Variants in GRB10 observed in about 807,000 individuals in gnomAD.
The protein encoded by GRB10 is growth factor receptor-bound protein 10.
A neutral mutation model predicts 80.9 loss-of-function variants in GRB10; 20 were observed. The ratio of observed to expected loss-of-function variants is 0.25; its 90% CI spans 0.17 to 0.36. GRB10 has a LOEUF of 0.36. Ranked by LOEUF, GRB10 falls within the 10% of genes least tolerant of loss-of-function variation. The pLI is 1.00. For missense variants in GRB10, 548 were observed against 747.7 expected, an observed-to-expected ratio of 0.73 and a Z score of 3.12; for synonymous variants, 291 against 291.5, an observed-to-expected ratio of 1.00 and a Z score of 0.02.
intron 5 of GRB10, among the ~76,000 whole-genome samples, chr7:50,700,853 G>A (rs954363083): frequency 2.0e-5 from 3 of 152,206 alleles, no homozygotes; most frequent in Non-Finnish European, 4.4e-5. Flanking sequence ...TTAAAATTCA[G>A]TGCAACTTTC....
chr7:50,753,109 C>A (rs566665547), intron 3 of GRB10, among the ~76,000 whole-genome samples: 3 of 152,218 alleles, frequency 2.0e-5, no homozygotes, highest in African/African-American at 4.8e-5. Flanking sequence ...AGTCTAGTGC[C>A]ATGGCCCGTC....
intron 5 of GRB10, among the ~76,000 whole-genome samples, chr7:50,688,711 A>C (rs2062404900): frequency 6.6e-6 from 1 of 151,818 alleles, no homozygotes; most frequent in Admixed American, 6.6e-5. Context: ...TTTAAAAAAA[A>C]AAAATCTGAC....
chr7:50,667,518 C>G (rs1275541945), intron 7 of GRB10, among the ~76,000 whole-genome samples: 2 of 152,122 alleles, frequency 1.3e-5, no homozygotes, highest in Non-Finnish European at 2.9e-5. Context: ...CACCATCCCC[C>G]ACCGTGATCC....
chr7:50,753,747 C>T (rs1027034061), intron 3 of GRB10, among the ~76,000 whole-genome samples: 1 of 152,164 alleles, frequency 6.6e-6, no homozygotes, highest in African/African-American at 2.4e-5. Context: ...AAGTGGGAAA[C>T]GAAGTTTTGT....
chr7:50,773,051 G>A (rs2077136161), intron 2 of GRB10, among the ~76,000 whole-genome samples: 3 of 152,088 alleles, frequency 2.0e-5, no homozygotes, highest in Admixed American at 2.0e-4. Flanking sequence ...CGTGGCTGAG[G>A]AGGCCTCAAA....
chr7:50,645,644 C>T (rs775914841), intron 7 of GRB10: 286 of 985,162 alleles, frequency 2.9e-4, no homozygotes, highest in Non-Finnish European at 3.3e-4. Flanking sequence ...AAGAGGTCTC[C>T]AGGCAGATCT....
chr7:50,786,030 C>G (rs2078681487), upstream of GRB10, among the ~76,000 whole-genome samples: 1 of 152,086 alleles, frequency 6.6e-6, no homozygotes. Context: ...AATCTCTGGA[C>G]CTTCCATTCA....
At chr7:50,685,507 C>T (rs779170605) in intron 5 of GRB10, among the ~76,000 whole-genome samples, 1 of 152,136 alleles carries the variant, frequency 6.6e-6, no homozygotes, top group Non-Finnish European at 1.5e-5. Context: ...CAAGCCCCAG[C>T]GTTCTGCAAG....
intron 3 of GRB10, among the ~76,000 whole-genome samples, chr7:50,753,558 T>C (rs2074519403): frequency 6.6e-6 from 1 of 152,164 alleles, no homozygotes; most frequent in African/African-American, 2.4e-5. Context: ...CCTCATTCAA[T>C]ACCTGCTGAC....
chr7:50,676,109 A>G (rs1024702353), intron 5 of GRB10, among the ~76,000 whole-genome samples: 16 of 152,178 alleles, frequency 1.1e-4, no homozygotes, highest in Non-Finnish European at 2.1e-4. Flanking sequence ...TTCTGCTCCC[A>G]GAATAGCTGC....
At chr7:50,612,958 A>G (rs2049853995) in intron 12 of GRB10, 119 bp from the exon 13 acceptor site, 4 of 725,310 alleles carry the variant, frequency 5.5e-6, no homozygotes, top group Non-Finnish European at 1.0e-5. Flanking sequence ...CCCCCTAGCA[A>G]GGAGCACAGC....
At chr7:50,611,537 T>C (rs999822019) in intron 13 of GRB10, among the ~76,000 whole-genome samples, 1 of 152,240 alleles carries the variant, frequency 6.6e-6, no homozygotes, top group African/African-American at 2.4e-5. Flanking sequence ...GGGAGAGAGA[T>C]ACAGGAAGCC....
upstream of GRB10, among the ~76,000 whole-genome samples, chr7:50,786,688 G>T (rs1012488636): frequency 6.6e-5 from 10 of 152,226 alleles, no homozygotes; most frequent in African/African-American, 2.4e-4. Context: ...TCCCAGACAT[G>T]CAAGGTCTCA....
At chr7:50,774,506 A>C (rs537986196) in intron 2 of GRB10, among the ~76,000 whole-genome samples, 1 of 152,318 alleles carries the variant, frequency 6.6e-6, no homozygotes, top group East Asian at 1.9e-4. Flanking sequence ...CAGAATGCAG[A>C]AGTGCAAAAA....
At chr7:50,642,594 G>T (rs1414151601) in intron 7 of GRB10, among the ~76,000 whole-genome samples, 1 of 152,100 alleles carries the variant, frequency 6.6e-6, no homozygotes, top group Non-Finnish European at 1.5e-5. Context: ...GTGCTGACAT[G>T]ATACTCAACG....
intron 2 of GRB10, among the ~76,000 whole-genome samples, chr7:50,772,308 G>A (rs1351712414): frequency 6.6e-6 from 1 of 152,142 alleles, no homozygotes; most frequent in Non-Finnish European, 1.5e-5. Flanking sequence ...CATGTTACTT[G>A]TGTCTCCCAA....
At chr7:50,704,006 A>G in intron 4 of GRB10, 98 bp from the exon 5 acceptor site, 1 of 786,046 alleles carries the variant, frequency 1.3e-6, no homozygotes, top group Non-Finnish European at 2.2e-6. Context: ...TTCTTCCTCA[A>G]TTCCTTACTT....
chr7:50,774,643 A>G (rs978880938), intron 2 of GRB10, among the ~76,000 whole-genome samples: 3 of 152,184 alleles, frequency 2.0e-5, no homozygotes, highest in Non-Finnish European at 2.9e-5. Context: ...TGGGGAAGTG[A>G]TAAGGCCATA....
rs762898710 is a variant in GRB10 at position 50,605,314 on chromosome 7, G to C, written c.1365C>G (p.Ala455=). The C allele has an allele frequency of 6.2e-7, 1 of 1,613,858 alleles. No homozygotes were observed. The highest frequency in any genetic ancestry group is 1.7e-5 in the Admixed American group (1 of 60,036). Residue 455 remains alanine (A), a synonymous_variant, in exon 15 of 19, where the codon GCC becomes GCG. Coordinates refer to ENST00000401949, the MANE Select transcript of GRB10 (RefSeq NM_001350814.2). The part of the protein sequence containing the change: ...IENPAEAQSA[A]LEEGHAWRKR... Reference sequence around the variant, plus strand: ...CCCTCCAGGCGTGGCCCTCCTCCAGGGCTGCGCTCTGGGCCTCTGCCGGAT... The same window carrying C: ...CCCTCCAGGCGTGGCCCTCCTCCAGCGCTGCGCTCTGGGCCTCTGCCGGAT...
Sources: gnomAD v4.1 joint callset for allele counts (sites outside exome capture counted in the v4.1 genomes callset) on GRCh38, gnomAD v4.1.1 for gene constraint, MANE v1.5 for transcripts, NCBI Gene and HGNC (gene_info 2026-07-23, HGNC 2026-07-21) for gene names.